Variants in ELMO2 observed in about 807,000 individuals in gnomAD.
The protein encoded by ELMO2 is engulfment and cell motility protein 2.
In ELMO2, 37 loss-of-function variants were observed where a neutral mutation model predicts 96.2. The ratio of observed to expected loss-of-function variants is 0.38; its 90% CI spans 0.30 to 0.51. ELMO2 has a LOEUF of 0.51. Ranked by LOEUF, ELMO2 falls within the 20% of genes least tolerant of loss-of-function variation. ELMO2 has a pLI of 0.88. For missense variants in ELMO2, 561 were observed against 912.6 expected, an observed-to-expected ratio of 0.61 and a Z score of 4.96; for synonymous variants, 315 against 329.4, an observed-to-expected ratio of 0.96 and a Z score of 0.47.
intron 10 of ELMO2, among the ~76,000 whole-genome samples, chr20:46,380,692 A>G (rs762093758): frequency 1.3e-5 from 2 of 151,952 alleles, no homozygotes; most frequent in Non-Finnish European, 2.9e-5. Flanking sequence ...TGCTAAGGCT[A>G]GAAGGAACTC....
At position 46,375,837 on chromosome 20, in the gene ELMO2, T is replaced by C. The variant is rs200546180; in HGVS notation, c.808-47A>G. On this transcript the variant is annotated intron_variant, in intron 11 of 21. Coordinates refer to ENST00000290246, the MANE Select transcript of ELMO2 (RefSeq NM_133171.5). The surrounding 1 kb of genome is among the most constrained non-coding windows in gnomAD (Gnocchi z 4.6). Reference sequence around the variant, plus strand: ...AGCAGGGGACTGAACTGATCTCTTTTAATGAAGGGCCACATCCATGCTAAG... The same window carrying C: ...AGCAGGGGACTGAACTGATCTCTTTCAATGAAGGGCCACATCCATGCTAAG... 8.2e-5 allele frequency: 132 copies of C among 1,610,216 alleles called. No individual in the cohort carries two copies. In the African/African-American group the frequency reaches 1.4e-3, roughly 17 times the overall value.
At chr20:46,380,228 A>G in intron 11 of ELMO2, 25 bp downstream of exon 11, 1 of 1,590,354 alleles carries the variant, frequency 6.3e-7, no homozygotes, top group Non-Finnish European at 8.6e-7. Flanking sequence ...ATAGTAATAA[A>G]ATACAGCATG....
At position 46,374,622 on chromosome 20, in the gene ELMO2, T is replaced by C; in HGVS notation, c.1084A>G (p.Met362Val). ...CCAGGAGGAGTCTGGGTAAAGTCCA[T>C]GGCTGGATTGATGTGGTTCTAGAGA... ...LGFTNHINPA[M>V]DFTQTPPGML... Residue 362 changes from methionine (M) to valine (V), a missense_variant, in exon 14 of 22, where the codon ATG (methionine) becomes GTG (valine). Coordinates refer to ENST00000290246, the MANE Select transcript of ELMO2 (RefSeq NM_133171.5). 1.2e-6 allele frequency: 2 copies of C among 1,614,190 alleles called. No homozygotes were observed. The highest frequency in any genetic ancestry group is 1.1e-5 in the South Asian group (1 of 91,078).
At position 46,400,866 on chromosome 20, in the gene ELMO2, A is replaced by G. The variant is rs571525263; in HGVS notation, c.-125-2095T>C. Among the ~76,000 whole-genome samples, 360 of 152,334 alleles carry G rather than the reference A, an allele frequency of 2.4e-3. 3 individuals carry two copies. The highest frequency in any genetic ancestry group is 4.1e-3 in the South Asian group (20 of 4,832). On this transcript the variant is annotated intron_variant, in intron 1 of 21. Transcript: ENST00000290246. ...CCCCATGGAGCTTTATCAATCACCC[A>G]TGCAGTGACTGCTGCTTCACGGAGC...
At chr20:46,368,853 A>T (rs1366966331) in intron 21 of ELMO2, 38 bp downstream of exon 21, 1 of 1,608,518 alleles carries the variant, frequency 6.2e-7, no homozygotes, top group Non-Finnish European at 8.5e-7. Flanking sequence ...GAGTTACAGA[A>T]ATAGCTCTGT....
chr20:46,371,677 T>C lies in ELMO2; in HGVS notation c.1595A>G (p.Lys532Arg), dbSNP rs1325272111. The C allele has an allele frequency of 6.2e-7, 1 of 1,613,908 alleles. No homozygotes were observed. Among genetic ancestry groups the C allele is most frequent in the African/African-American group, 1.3e-5 (1 of 75,044 alleles). The part of the protein sequence containing the change: ...QSPPIVELRE[K>R]IQPEILELIK... ...CAGCTCAAGGATCTCGGGCTGGATCTTCTCCCTCAGCTCCCTGGGGTGGAC... is the reference window on the plus strand; with the variant it reads ...CAGCTCAAGGATCTCGGGCTGGATCCTCTCCCTCAGCTCCCTGGGGTGGAC... Residue 532 changes from lysine to arginine, a missense_variant, in exon 18 of 22, where the codon AAG becomes AGG. Physicochemically the swap from Lys to Arg is conservative, Grantham distance 26. Coordinates refer to ENST00000290246, the MANE Select transcript of ELMO2 (RefSeq NM_133171.5). This position sits in a 1 kb window ranked among gnomAD's most constrained non-coding sequence, Gnocchi z 5.9.
intron 10 of ELMO2, among the ~76,000 whole-genome samples, chr20:46,382,995 T>G (rs1173442436): frequency 3.3e-5 from 5 of 152,130 alleles, no homozygotes; most frequent in Non-Finnish European, 7.4e-5. Flanking sequence ...AACCCAGGAG[T>G]TGGCAAACTA....
At chr20:46,405,514 G>A (rs2060418315) in intron 1 of ELMO2, among the ~76,000 whole-genome samples, 1 of 152,156 alleles carries the variant, frequency 6.6e-6, no homozygotes, top group Non-Finnish European at 1.5e-5. Flanking sequence ...GATCTCCAGG[G>A]CCTGGGTGAG....
intron 7 of ELMO2, 194 bp from the exon 8 acceptor site, chr20:46,387,631 G>GA (rs1443004247): frequency 1.4e-3 from 53 of 37,324 alleles, no homozygotes; most frequent in Non-Finnish European, 2.0e-3. Flanking sequence ...ATCTATCGCT[G>GA]CAAAAAAAAA....
At chr20:46,388,095 A>G (rs1169852700) in intron 7 of ELMO2, among the ~76,000 whole-genome samples, 28 of 152,204 alleles carry the variant, frequency 1.8e-4, no homozygotes, top group African/African-American at 6.5e-4. Context: ...TTAACAGATG[A>G]TATTCCTATT....
chr20:46,404,439 T>C (rs1445716789), intron 1 of ELMO2, among the ~76,000 whole-genome samples: 2 of 152,166 alleles, frequency 1.3e-5, no homozygotes, highest in Non-Finnish European at 2.9e-5. Context: ...ATCAGATATA[T>C]AGAAAGACCA....
intron 19 of ELMO2, 102 bp from the exon 20 acceptor site, chr20:46,370,627 C>T: frequency 9.0e-7 from 1 of 1,113,382 alleles, no homozygotes; most frequent in Non-Finnish European, 1.3e-6. Context: ...GCATAGGAAG[C>T]CTCAGCCCCA....
chr20:46,393,670 T>C, intron 4 of ELMO2, 69 bp from the exon 5 acceptor site: 1 of 1,526,850 alleles, frequency 6.5e-7, no homozygotes, highest in Non-Finnish European at 9.1e-7. Flanking sequence ...ATAAGTAATT[T>C]TCAAAAGAGT....
Position 46,371,338 on chromosome 20 carries a change from A to G in ELMO2, c.1801+14T>C. 1 of 1,613,422 alleles carries G rather than the reference A, an allele frequency of 6.2e-7. No homozygotes were observed. Among genetic ancestry groups the G allele is most frequent in the Non-Finnish European group, 8.5e-7 (1 of 1,179,332 alleles). Reference sequence around the variant, plus strand: ...TCCAGCAACCATGACACATCAACAGAGAAATGAACCTACTTTTCTCCTGCA... The same window carrying G: ...TCCAGCAACCATGACACATCAACAGGGAAATGAACCTACTTTTCTCCTGCA... On this transcript the variant is annotated intron_variant, in intron 19 of 21. Coordinates refer to ENST00000290246, the MANE Select transcript of ELMO2 (RefSeq NM_133171.5). The surrounding 1 kb of genome is among the most constrained non-coding windows in gnomAD (Gnocchi z 5.9).
At chr20:46,376,807 C>G (rs1480940288) in intron 11 of ELMO2, 2 of 1,288,574 alleles carry the variant, frequency 1.6e-6, no homozygotes, top group Non-Finnish European at 2.0e-6. Context: ...TACTCAGTAG[C>G]TCTGTCTCTA....
intron 1 of ELMO2, among the ~76,000 whole-genome samples, chr20:46,405,996 G>C (rs890197518): frequency 2.6e-5 from 4 of 152,220 alleles, no homozygotes; most frequent in Non-Finnish European, 5.9e-5. Context: ...CAACTGCCCA[G>C]GCAGGAAGCG....
Position 46,367,497 on chromosome 20 carries a change from T to C in ELMO2, c.2026A>G (p.Lys676Glu). ...LGKDMSSELT[K>E]SDLDTLLSME... ...CTCAGCAGGGTGTCCAGGTCACTCT[T>C]GGTCAGCTCACTGGACATGTCCTTC... Residue 676 changes from lysine to glutamate, a missense_variant, in exon 22 of 22, where the codon AAG becomes GAG. By Grantham distance (56) the Lys-to-Glu change is moderately conservative (BLOSUM62 1). Transcript: ENST00000290246. 1 of 1,613,732 alleles carries C rather than the reference T, an allele frequency of 6.2e-7. No individual in the cohort carries two copies. The highest frequency in any genetic ancestry group is 8.5e-7 in the Non-Finnish European group (1 of 1,179,898).
intron 6 of ELMO2, among the ~76,000 whole-genome samples, chr20:46,392,280 T>C (rs971154570): frequency 5.3e-5 from 8 of 152,178 alleles, no homozygotes; most frequent in African/African-American, 1.9e-4. Context: ...CTTGCACAAA[T>C]CAGGGTCATC....
At chr20:46,399,188 T>C (rs2060296463) in intron 1 of ELMO2, among the ~76,000 whole-genome samples, 1 of 152,164 alleles carries the variant, frequency 6.6e-6, no homozygotes. Context: ...GCAGGTGCTT[T>C]GTGGAGATTT....
Sources: gnomAD v4.1 joint callset for allele counts (sites outside exome capture counted in the v4.1 genomes callset) on GRCh38, gnomAD v4.1.1 for gene constraint, Gnocchi (gnomAD v3.1) non-coding constraint, MANE v1.5 for transcripts, NCBI Gene and HGNC (gene_info 2026-07-23, HGNC 2026-07-21) for gene names.